MAGI2: variants seen among roughly 807,000 people sequenced by gnomAD.
MAGI2 encodes the protein membrane-associated guanylate kinase, WW and PDZ domain-containing protein 2.
Under a neutral mutation model 133.3 loss-of-function variants are expected in MAGI2, and 35 were observed. That is an observed-to-expected ratio of 0.26 (90% CI 0.20 to 0.35). MAGI2 has a LOEUF of 0.35. Among genes scored for constraint, MAGI2 ranks in the 10% least tolerant of loss-of-function variants. The pLI is 1.00. For missense variants in MAGI2, 1,636 were observed against 1,863.4 expected, an observed-to-expected ratio of 0.88 and a Z score of 2.25; for synonymous variants, 729 against 710.6, an observed-to-expected ratio of 1.03 and a Z score of -0.41.
chr7:79,104,610 T>A (rs1301763552), intron 1 of MAGI2, among the ~76,000 whole-genome samples: 2 of 152,010 alleles, frequency 1.3e-5, no homozygotes, highest in Non-Finnish European at 1.5e-5. Flanking sequence ...GAGGTTGCAG[T>A]GAGCAGAGAA....
intron 2 of MAGI2, among the ~76,000 whole-genome samples, chr7:78,908,414 A>T (rs1290977746): frequency 6.6e-6 from 1 of 152,166 alleles, no homozygotes; most frequent in Non-Finnish European, 1.5e-5. Context: ...AACTCTGGGG[A>T]GTTGGCCAGA....
chr7:79,053,790 A>G lies in MAGI2; in HGVS notation c.302-46584T>C, dbSNP rs183333069. Among the ~76,000 whole-genome samples the G allele has an allele frequency of 2.0e-5, 3 of 152,364 alleles. No homozygotes were observed. The East Asian group carries it at 5.8e-4, about 29-fold the overall frequency. ...ATTATATTTATGGTCATCTGCTAAAAGCTAATTAATGTAAAATGTTGGAAA... is the reference window on the plus strand; with the variant it reads ...ATTATATTTATGGTCATCTGCTAAAGGCTAATTAATGTAAAATGTTGGAAA... On this transcript the variant is annotated intron_variant, in intron 1 of 21. Coordinates refer to ENST00000354212, the MANE Select transcript of MAGI2 (RefSeq NM_012301.4).
chr7:79,016,995 A>G (rs559009532), intron 1 of MAGI2, among the ~76,000 whole-genome samples: 24 of 152,370 alleles, frequency 1.6e-4, no homozygotes, highest in African/African-American at 5.5e-4. Context: ...GCATCTCCAC[A>G]TAGTGGTGCC....
At chr7:79,038,666 C>A (rs1367936165) in intron 1 of MAGI2, among the ~76,000 whole-genome samples, 2 of 152,140 alleles carry the variant, frequency 1.3e-5, no homozygotes, top group Non-Finnish European at 2.9e-5. Context: ...TTTCTTTTTA[C>A]AGCTATATAG....
intron 21 of MAGI2, among the ~76,000 whole-genome samples, chr7:78,066,410 C>T (rs928839713): frequency 2.6e-5 from 4 of 151,288 alleles, no homozygotes; most frequent in East Asian, 1.9e-4. Flanking sequence ...TGCAGTGAGC[C>T]GACATAGCAC....
intron 1 of MAGI2, among the ~76,000 whole-genome samples, chr7:79,419,273 T>C (rs1371302301): frequency 1.4e-4 from 21 of 151,990 alleles, no homozygotes; most frequent in Admixed American, 1.4e-3. Flanking sequence ...ATGATCACTA[T>C]CACACTTAAC....
chr7:78,454,188 G>A lies in MAGI2; in HGVS notation c.1045+35573C>T, dbSNP rs1584208076. On this transcript the variant is annotated intron_variant, in intron 6 of 21. Transcript: ENST00000354212. The stretch of plus-strand genomic sequence containing the variant: ...TACTCCATCGCATGAGTAGGAAACC[G>A]ACAGGATCAACATACCTCAAGGTGT... 2.0e-5 allele frequency among the ~76,000 whole-genome samples: 3 copies of A among 152,088 alleles called. 1 individual carries two copies. The highest frequency in any genetic ancestry group is 4.1e-4 in the South Asian group (2 of 4,826).
intron 1 of MAGI2, among the ~76,000 whole-genome samples, chr7:79,288,387 G>A (rs917168264): frequency 3.3e-5 from 5 of 152,192 alleles, no homozygotes; most frequent in Middle Eastern, 3.4e-3. Context: ...TATATATTAT[G>A]AACATTTATA....
In MAGI2 at chr7:78,453,647, T is replaced by C. The variant is rs923715872; in HGVS notation, c.1045+36114A>G. Reference sequence around the variant, plus strand: ...CGCTGACCTCCAGATCCCCATTGGGTGGCCAGTGCAATGCTGAACAGTTAT... The same window carrying C: ...CGCTGACCTCCAGATCCCCATTGGGCGGCCAGTGCAATGCTGAACAGTTAT... On this transcript the variant is annotated intron_variant, in intron 6 of 21. Transcript: ENST00000354212. 2.0e-5 allele frequency among the ~76,000 whole-genome samples: 3 copies of C among 152,198 alleles called. No homozygotes were observed. In the East Asian group the frequency reaches 5.8e-4, roughly 29 times the overall value.
At chr7:78,098,233 T>C (rs1817892491) in intron 20 of MAGI2, among the ~76,000 whole-genome samples, 1 of 152,166 alleles carries the variant, frequency 6.6e-6, no homozygotes, top group South Asian at 2.1e-4. Context: ...ACGGCTATTC[T>C]GTAATTGATG....
intron 2 of MAGI2, among the ~76,000 whole-genome samples, chr7:78,958,067 C>T (rs1052181730): frequency 2.6e-5 from 4 of 152,162 alleles, no homozygotes; most frequent in African/African-American, 9.6e-5. Flanking sequence ...GTTTACCTGG[C>T]AGGGGAATAG....
intron 2 of MAGI2, among the ~76,000 whole-genome samples, chr7:78,725,493 T>A (rs1820683824): frequency 6.6e-6 from 1 of 152,214 alleles, no homozygotes; most frequent in Non-Finnish European, 1.5e-5. Context: ...CTATGCTGAA[T>A]GACAGAAATG....
At chr7:78,089,388 A>C (rs989293424) in intron 20 of MAGI2, among the ~76,000 whole-genome samples, 1 of 152,330 alleles carries the variant, frequency 6.6e-6, no homozygotes, top group East Asian at 1.9e-4. Context: ...AGAAGGTAGA[A>C]TAAAGGAAGA....
intron 2 of MAGI2, among the ~76,000 whole-genome samples, chr7:78,676,752 C>A (rs534165824): frequency 6.6e-6 from 1 of 152,096 alleles, no homozygotes; most frequent in Middle Eastern, 3.4e-3. Context: ...TAAAGAAATG[C>A]GGTTCTGTGA....
At chr7:78,726,670 A>G (rs1435932643) in intron 2 of MAGI2, among the ~76,000 whole-genome samples, 3 of 152,178 alleles carry the variant, frequency 2.0e-5, no homozygotes, top group African/African-American at 7.2e-5. Context: ...TACTTCTCCC[A>G]AGTAATAATC....
intron 1 of MAGI2, among the ~76,000 whole-genome samples, chr7:79,108,176 T>C (rs1306379329): frequency 6.6e-6 from 1 of 152,208 alleles, no homozygotes; most frequent in Non-Finnish European, 1.5e-5. Context: ...CTGGCCCTCA[T>C]CTTTGCAAAT....
chr7:79,376,833 TGTGTGTGG>T (rs59884099), intron 1 of MAGI2, among the ~76,000 whole-genome samples: 3,204 of 151,436 alleles, frequency 0.021, 94 homozygotes, highest in African/African-American at 0.075. Flanking sequence ...TGTGTGTGTG[TGTGTGTGG>T]GTGTATGGCG....
chr7:79,368,042 C>A (rs538957998), intron 1 of MAGI2, among the ~76,000 whole-genome samples: 2 of 151,704 alleles, frequency 1.3e-5, no homozygotes, highest in Admixed American at 6.6e-5. Context: ...TGAGAGTACT[C>A]CTGAAACTTT....
At chr7:79,086,825 A>G (rs1816543254) in intron 1 of MAGI2, among the ~76,000 whole-genome samples, 1 of 151,848 alleles carries the variant, frequency 6.6e-6, no homozygotes, top group South Asian at 2.1e-4. Flanking sequence ...TATGTAAAAG[A>G]TTCTATTAGC....
Sources: allele counts gnomAD v4.1 joint callset (sites outside exome capture counted in the v4.1 genomes callset), GRCh38; gene constraint gnomAD v4.1.1; transcripts MANE v1.5; gene names NCBI Gene and HGNC (gene_info 2026-07-23, HGNC 2026-07-21).